SIAH3: variants seen among roughly 807,000 people sequenced by gnomAD.
The protein encoded by SIAH3 is siah E3 ubiquitin protein ligase family member 3.
Under a neutral mutation model 12.6 loss-of-function variants are expected in SIAH3, and 9 were observed. The ratio of observed to expected loss-of-function variants is 0.72; its 90% CI spans 0.43 to 1.25. The LOEUF (loss-of-function observed/expected upper bound fraction) is 1.25. Ranked by LOEUF, SIAH3 falls within the 50% of genes most tolerant of loss-of-function variation. SIAH3 has a pLI of 0.00. For missense variants in SIAH3, 390 were observed against 365.4 expected, an observed-to-expected ratio of 1.07 and a Z score of -0.55; for synonymous variants, 154 against 151.1, an observed-to-expected ratio of 1.02 and a Z score of -0.14.
rs780882141 is a variant in SIAH3, at chr13:45,851,465, C to T, written c.135+30G>A. On this transcript the variant is annotated intron_variant, in intron 1 of 1. Coordinates refer to ENST00000400405, the MANE Select transcript of SIAH3 (RefSeq NM_198849.3). ...CCGAGAAAGGACTTGAACCTGAGCCCGGTGAAGGTAAAATGACACAGAGAC... is the reference window on the plus strand; with the variant it reads ...CCGAGAAAGGACTTGAACCTGAGCCTGGTGAAGGTAAAATGACACAGAGAC... 3.1e-6 allele frequency: 5 copies of T among 1,612,598 alleles called. No homozygotes were observed. The East Asian group carries it at 1.1e-4, about 36-fold the overall frequency.
At chr13:45,829,861 G>A (rs531758142) in intron 1 of SIAH3, among the ~76,000 whole-genome samples, 5 of 152,080 alleles carry the variant, frequency 3.3e-5, no homozygotes, top group Admixed American at 2.0e-4. Context: ...GAGGCGCTTG[G>A]GTTCGAGGCC....
intron 1 of SIAH3, among the ~76,000 whole-genome samples, chr13:45,847,572 G>A (rs768172085): frequency 2.0e-5 from 3 of 151,688 alleles, no homozygotes; most frequent in Non-Finnish European, 2.9e-5. Flanking sequence ...CATATCTGTC[G>A]GGCACTTAAA....
intron 1 of SIAH3, among the ~76,000 whole-genome samples, chr13:45,834,288 A>G (rs777476650): frequency 6.6e-5 from 10 of 152,218 alleles, no homozygotes; most frequent in Admixed American, 1.3e-4. Flanking sequence ...CAATGTTTTC[A>G]TCATCATTGA....
chr13:45,815,968 G>A (rs1017426080), intron 1 of SIAH3, among the ~76,000 whole-genome samples: 7 of 152,182 alleles, frequency 4.6e-5, no homozygotes, highest in African/African-American at 1.4e-4. Flanking sequence ...AGCACATGCC[G>A]TGCCTATCTC....
At chr13:45,820,184 G>A (rs559329908) in intron 1 of SIAH3, among the ~76,000 whole-genome samples, 2 of 152,268 alleles carry the variant, frequency 1.3e-5, no homozygotes, top group Admixed American at 1.3e-4. Flanking sequence ...CTGAATTTAG[G>A]AGGGGACACA....
At chr13:45,809,362 G>A (rs957665810) in intron 1 of SIAH3, among the ~76,000 whole-genome samples, 1 of 152,158 alleles carries the variant, frequency 6.6e-6, no homozygotes, top group African/African-American at 2.4e-5. Context: ...TGCAGAATCA[G>A]AATCTCTGGA....
intron 1 of SIAH3, among the ~76,000 whole-genome samples, chr13:45,802,514 T>C (rs909969802): frequency 1.3e-5 from 2 of 152,108 alleles, no homozygotes; most frequent in Non-Finnish European, 2.9e-5. Flanking sequence ...GAAAAGCTTC[T>C]GGATATTTAC....
intron 1 of SIAH3, among the ~76,000 whole-genome samples, chr13:45,845,509 T>A (rs1456434931): frequency 1.3e-5 from 2 of 152,226 alleles, no homozygotes; most frequent in East Asian, 3.8e-4. Flanking sequence ...GTTTATACAT[T>A]TCCCTTTTGA....
Position 45,778,030 on chromosome 13 carries a change from G to A in SIAH3, c.*5353C>T, listed in dbSNP as rs1950490424. ...GGATTGTGAACAGGGTCCTTACTGG[G>A]TTGCAAAAAAGTGAGGTAGCCAAGT... On this transcript the variant is annotated 3_prime_UTR_variant, in exon 2 of 2. Transcript: ENST00000400405. The A allele has an allele frequency of 6.6e-6, 1 of 152,160 alleles. No individual in the cohort carries two copies. Among genetic ancestry groups the A allele is most frequent in the African/African-American group, 2.4e-5 (1 of 41,440 alleles). The allele number at this position is 152,160 out of a possible 1,614,324, so 9.4% of individuals were successfully genotyped here.
At chr13:45,820,223 T>G (rs1263033724) in intron 1 of SIAH3, among the ~76,000 whole-genome samples, 1 of 152,158 alleles carries the variant, frequency 6.6e-6, no homozygotes, top group Non-Finnish European at 1.5e-5. Flanking sequence ...CCCAGATGGT[T>G]CACAGCACCA....
chr13:45,820,393 T>C (rs1018838320), intron 1 of SIAH3, among the ~76,000 whole-genome samples: 5 of 152,202 alleles, frequency 3.3e-5, no homozygotes, highest in Admixed American at 6.5e-5. Context: ...GGCCAGGGGC[T>C]GCGTCTCCTC....
At chr13:45,797,098 A>G (rs1016478034) in intron 1 of SIAH3, among the ~76,000 whole-genome samples, 7 of 151,692 alleles carry the variant, frequency 4.6e-5, no homozygotes, top group Non-Finnish European at 1.0e-4. Context: ...GTCTGCTAAG[A>G]TAATTAGCCT....
chr13:45,816,733 T>G (rs1950635893), intron 1 of SIAH3, among the ~76,000 whole-genome samples: 1 of 152,224 alleles, frequency 6.6e-6, no homozygotes, highest in Non-Finnish European at 1.5e-5. Flanking sequence ...GCCCCTCACC[T>G]GCTCCAAGAC....
intron 1 of SIAH3, among the ~76,000 whole-genome samples, chr13:45,827,270 G>A (rs1950682077): frequency 6.6e-6 from 1 of 152,160 alleles, no homozygotes; most frequent in East Asian, 1.9e-4. Flanking sequence ...ATACAGTCAA[G>A]ATGCTGGAGC....
At chr13:45,822,761 C>T (rs1000194591) in intron 1 of SIAH3, among the ~76,000 whole-genome samples, 8 of 151,686 alleles carry the variant, frequency 5.3e-5, no homozygotes, top group Non-Finnish European at 1.2e-4. Context: ...CTGGGTGTGC[C>T]GCAGGCCTGG....
intron 1 of SIAH3, among the ~76,000 whole-genome samples, chr13:45,817,534 G>C (rs893803745): frequency 3.9e-5 from 6 of 152,182 alleles, no homozygotes; most frequent in Non-Finnish European, 8.8e-5. Context: ...TTCTATCCGG[G>C]TGGGCCCTAC....
chr13:45,802,762 G>C (rs535535468), intron 1 of SIAH3, among the ~76,000 whole-genome samples: 1 of 152,270 alleles, frequency 6.6e-6, no homozygotes, highest in East Asian at 1.9e-4. Context: ...AGAAGTCAGA[G>C]CAAGGAGGCT....
intron 1 of SIAH3, among the ~76,000 whole-genome samples, chr13:45,830,224 C>T (rs57307958): frequency 0.022 from 3,326 of 152,314 alleles, 122 homozygotes; most frequent in African/African-American, 0.076. Context: ...CATCCCATAC[C>T]TGATGTATGT....
chr13:45,846,513 T>C (rs762915588), intron 1 of SIAH3, among the ~76,000 whole-genome samples: 3 of 152,200 alleles, frequency 2.0e-5, no homozygotes, highest in African/African-American at 7.2e-5. Flanking sequence ...ACAGAGCTAG[T>C]TGGGTGAAGA....
Sources: allele counts gnomAD v4.1 joint callset (sites outside exome capture counted in the v4.1 genomes callset), GRCh38; gene constraint gnomAD v4.1.1; transcripts MANE v1.5; gene names NCBI Gene and HGNC (gene_info 2026-07-23, HGNC 2026-07-21).